Variants in FAM13B observed in about 807,000 individuals in gnomAD.
FAM13B encodes the protein protein FAM13B.
A neutral mutation model predicts 117.3 loss-of-function variants in FAM13B; 60 were observed. The ratio of observed to expected loss-of-function variants is 0.51; its 90% CI spans 0.42 to 0.63. FAM13B has a LOEUF of 0.63. Among genes scored for constraint, FAM13B ranks in the 30% least tolerant of loss-of-function variants. The probability of loss-of-function intolerance (pLI) is 0.00; values close to 1 mark genes in which losing one functional copy is unlikely to be tolerated. For synonymous variants in FAM13B, 332 were observed against 356.1 expected, an observed-to-expected ratio of 0.93 and a Z score of 0.76; for missense variants, 972 against 1,091.9, an observed-to-expected ratio of 0.89 and a Z score of 1.55.
At chr5:137,976,894 G>A (rs1383996528) in intron 10 of FAM13B, among the ~76,000 whole-genome samples, 1 of 152,086 alleles carries the variant, frequency 6.6e-6, no homozygotes, top group Non-Finnish European at 1.5e-5. Context: ...TGAAATCTGG[G>A]CACCTTGAAA....
intron 7 of FAM13B, among the ~76,000 whole-genome samples, chr5:138,002,106 T>C (rs970248968): frequency 3.7e-4 from 57 of 152,152 alleles, no homozygotes; most frequent in African/African-American, 1.3e-3. Context: ...ATATAATAAA[T>C]GATCTTAGTT....
chr5:138,030,926 G>C (rs977840513), intron 1 of FAM13B, among the ~76,000 whole-genome samples: 13 of 151,854 alleles, frequency 8.6e-5, no homozygotes, highest in Non-Finnish European at 5.9e-5. Context: ...CTAGCTACTC[G>C]GGAGGCTAAG....
At chr5:137,982,148 T>C (rs1775941448) in intron 10 of FAM13B, among the ~76,000 whole-genome samples, 1 of 152,312 alleles carries the variant, frequency 6.6e-6, no homozygotes, top group South Asian at 2.1e-4. Context: ...GTTGAGAACA[T>C]ACCATCAAGA....
Position 137,995,498 on chromosome 5 carries a change from G to A in FAM13B, c.849-7183C>T, listed in dbSNP as rs369544123. Among the ~76,000 whole-genome samples the A allele has an allele frequency of 4.6e-5, 7 of 152,256 alleles. No homozygotes were observed. In the East Asian group the frequency reaches 1.3e-3, roughly 29 times the overall value. On this transcript the variant is annotated intron_variant, in intron 7 of 23. Transcript: ENST00000689681. ...TTTGAGAAAAGCATTTATGGTTAAC[G>A]TTTCAAGTCTAAAAATTGGATAGCT...
chr5:137,953,470 A>G lies in FAM13B; in HGVS notation c.1719-5T>C. On this transcript the variant is annotated splice_region_variant and splice_polypyrimidine_tract_variant and intron_variant, in intron 15 of 23. Transcript: ENST00000689681. ...CTAAAGGATGATCTTCGAATTCTGA[A>G]TTAAAACAAAAGGCCAACACTGTTA... 1.9e-6 allele frequency: 3 copies of G among 1,613,332 alleles called. No homozygotes were observed. The highest frequency in any genetic ancestry group is 2.5e-6 in the Non-Finnish European group (3 of 1,179,820).
intron 1 of FAM13B, among the ~76,000 whole-genome samples, chr5:138,024,215 G>C (rs1787552172): frequency 6.6e-6 from 1 of 151,906 alleles, no homozygotes; most frequent in South Asian, 2.1e-4. Flanking sequence ...GGTGTAATTA[G>C]TTAAGGATCT....
intron 10 of FAM13B, among the ~76,000 whole-genome samples, chr5:137,981,263 G>A (rs1380146868): frequency 2.0e-5 from 3 of 151,652 alleles, no homozygotes; most frequent in African/African-American, 7.3e-5. Context: ...CTAATAGTGG[G>A]AGACAGACAA....
intron 7 of FAM13B, among the ~76,000 whole-genome samples, chr5:137,992,016 C>G (rs1778717618): frequency 6.6e-6 from 1 of 152,062 alleles, no homozygotes; most frequent in Non-Finnish European, 1.5e-5. Flanking sequence ...CCACGTCCGT[C>G]TCAAGGGATT....
At chr5:138,027,252 G>T (rs1197293179) in intron 1 of FAM13B, among the ~76,000 whole-genome samples, 5 of 152,134 alleles carry the variant, frequency 3.3e-5, no homozygotes, top group Non-Finnish European at 7.3e-5. Flanking sequence ...AATTCACATA[G>T]AAAGGTTTAA....
chr5:138,010,946 C>T (rs1429594044), intron 6 of FAM13B, 62 bp downstream of exon 6: 2 of 1,313,636 alleles, frequency 1.5e-6, no homozygotes, highest in African/African-American at 1.8e-5. Flanking sequence ...TCTTTAAGAG[C>T]ATATTATTCT....
Position 138,032,832 on chromosome 5 carries a change from C to T in FAM13B, c.-253G>A. 1 of 985,800 alleles carries T rather than the reference C, an allele frequency of 1.0e-6. No homozygotes were observed. The highest frequency in any genetic ancestry group is 1.2e-6 in the Non-Finnish European group (1 of 829,978). The allele number at this position is 985,800 out of a possible 1,614,324, so 61.1% of individuals were successfully genotyped here. The stretch of plus-strand genomic sequence containing the variant: ...CTGGCCGCGGCCGCTTCTCCAGGAC[C>T]CGCGGCGACGGCAAGAGGGCGAGAA... On this transcript the variant is annotated 5_prime_UTR_variant, in exon 1 of 24. Coordinates refer to ENST00000689681, the MANE Select transcript of FAM13B (RefSeq NM_001385994.1).
At position 137,949,169 on chromosome 5, in the gene FAM13B, T is replaced by C; in HGVS notation, c.1946A>G (p.Asn649Ser). The C allele has an allele frequency of 6.2e-7, 1 of 1,613,990 alleles. No individual in the cohort carries two copies. Among genetic ancestry groups the C allele is most frequent in the Non-Finnish European group, 8.5e-7 (1 of 1,179,948 alleles). ...RKQIKDAKHK[N>S]SDGEFVPQTR... The stretch of plus-strand genomic sequence containing the variant: ...CTGAGGTACAAATTCTCCATCAGAA[T>C]TTTTGTGTTTTGCATCTACATGTCA... Residue 649 changes from asparagine (N) to serine (S), a missense_variant, in exon 18 of 24, where the codon AAT (asparagine) becomes AGT (serine). Physicochemically the swap from Asn to Ser is conservative, Grantham distance 46. Coordinates refer to ENST00000689681, the MANE Select transcript of FAM13B (RefSeq NM_001385994.1).
chr5:138,011,249 T>C (rs1286403647), intron 5 of FAM13B, 100 bp from the exon 6 acceptor site: 1 of 1,093,656 alleles, frequency 9.1e-7, no homozygotes, highest in South Asian at 1.4e-5. Flanking sequence ...GGGCAATTTA[T>C]GTTACCATTC....
chr5:137,950,249 A>C (rs1041012669), intron 17 of FAM13B, among the ~76,000 whole-genome samples: 45 of 152,142 alleles, frequency 3.0e-4, no homozygotes, highest in African/African-American at 1.0e-3. Context: ...ACTACATTGG[A>C]CGGGATTGAC....
chr5:137,949,839 T>C (rs1764449905), intron 17 of FAM13B, among the ~76,000 whole-genome samples: 1 of 148,626 alleles, frequency 6.7e-6, no homozygotes, highest in Middle Eastern at 3.5e-3. Context: ...CACATGCCTG[T>C]AAGTCCCAGC....
intron 4 of FAM13B, 21 bp from the exon 5 acceptor site, chr5:138,011,966 G>GT: frequency 6.6e-7 from 1 of 1,518,296 alleles, no homozygotes; most frequent in Non-Finnish European, 8.9e-7. Context: ...ATAATAACAG[G>GT]TTTTTTTCAA....
chr5:137,946,091 A>G (rs1008255713), intron 19 of FAM13B, 94 bp from the exon 20 acceptor site: 26 of 1,296,590 alleles, frequency 2.0e-5, no homozygotes, highest in South Asian at 1.9e-4. Context: ...TTCAAATTTT[A>G]TATTAAATAC....
At chr5:138,041,192 G>A (rs760252933) in intron 1 of FAM13B, among the ~76,000 whole-genome samples, 2 of 151,950 alleles carry the variant, frequency 1.3e-5, no homozygotes, top group Non-Finnish European at 2.9e-5. Context: ...AAAATGTTAA[G>A]AGAAAATTAC....
rs1281970554 is a variant in FAM13B, at chr5:137,938,922, C to T, written c.*1303G>A. The T allele has an allele frequency of 3.3e-5, 5 of 151,710 alleles. No homozygotes were observed. The highest frequency in any genetic ancestry group is 2.0e-4 in the Admixed American group (3 of 15,232). 9.4% of individuals were successfully genotyped at this position (151,710 alleles called of 1,614,324 possible). ...GACAGTCATCAATCCAAAAAAGCAC[C>T]AGAAAAAAAAGTTAACACTTAGATT... On this transcript the variant is annotated 3_prime_UTR_variant, in exon 24 of 24. Coordinates refer to ENST00000689681, the MANE Select transcript of FAM13B (RefSeq NM_001385994.1).
Sources: gnomAD v4.1 joint callset for allele counts (sites outside exome capture counted in the v4.1 genomes callset) on GRCh38, gnomAD v4.1.1 for gene constraint, MANE v1.5 for transcripts, NCBI Gene and HGNC (gene_info 2026-07-23, HGNC 2026-07-21) for gene names.